Variants in MET observed in about 807,000 individuals in gnomAD.
The protein encoded by MET is hepatocyte growth factor receptor.
In MET, 48 loss-of-function variants were observed where a neutral mutation model predicts 133.1. The ratio of observed to expected loss-of-function variants is 0.36; its 90% confidence interval spans 0.29 to 0.46. The LOEUF is 0.46. MET is among the 20% of genes least tolerant of loss of function. The pLI is 1.00. For synonymous variants in MET, 628 were observed against 616.5 expected (o/e 1.02, Z -0.28); for missense variants, 1,442 against 1,695.9 (o/e 0.85, Z 2.63).
intron 2 of MET, among the ~76,000 whole-genome samples, chr7:116,719,834 G>A (rs1462571988): frequency 6.6e-6 from 1 of 151,966 alleles, no homozygotes; most frequent in Admixed American, 6.6e-5. Flanking sequence ...GCTCTGTTCT[G>A]TTCCATTGAT....
Position 116,700,227 on chromosome 7 carries a change from CAAT to C in MET, c.1144_1146del (p.Asn382del). The C allele has an allele frequency of 6.3e-7, 1 of 1,599,566 alleles. No individual in the cohort carries two copies. Among genetic ancestry groups the C allele is most frequent in the Non-Finnish European group, 8.5e-7 (1 of 1,175,944 alleles). Reference sequence around the variant, plus strand: ...TCTTCAACAAGATCGTCAACAAAAACAATGTGAGATGTCTCCAGCATTTTTACG... The same window carrying C: ...TCTTCAACAAGATCGTCAACAAAAACGTGAGATGTCTCCAGCATTTTTACG... On this transcript the variant is annotated inframe_deletion, in exon 2 of 21. Transcript: ENST00000397752.
At chr7:116,753,231 A>G (rs1793997377) in intron 5 of MET, among the ~76,000 whole-genome samples, 1 of 152,242 alleles carries the variant, frequency 6.6e-6, no homozygotes. Context: ...TAATTGTAAA[A>G]GAATCACTTT....
intron 19 of MET, among the ~76,000 whole-genome samples, chr7:116,793,764 T>C (rs967728187): frequency 4.6e-5 from 7 of 151,856 alleles, no homozygotes; most frequent in African/African-American, 1.7e-4. Context: ...CCTGGCATGG[T>C]GGCAGGCGCC....
At chr7:116,767,861 A>T (rs528987834) in intron 11 of MET, among the ~76,000 whole-genome samples, 1 of 150,920 alleles carries the variant, frequency 6.6e-6, no homozygotes, top group South Asian at 2.1e-4. Context: ...AAATTAGCCT[A>T]TACCTTTTAA....
chr7:116,796,697 G>A lies in MET; in HGVS notation c.*573G>A. On this transcript the variant is annotated 3_prime_UTR_variant, in exon 21 of 21. Coordinates refer to ENST00000397752, the MANE Select transcript of MET (RefSeq NM_000245.4). ...GTTGCCAGGGCTGTAGTGCAGTGGT[G>A]TGATCATAGCTCACTGCAACCTCCA... is the stretch of plus-strand genomic sequence containing the variant. 1 of 225,464 alleles carries A rather than the reference G, an allele frequency of 4.4e-6. No individual in the cohort carries two copies. Among genetic ancestry groups the A allele is most frequent in the Non-Finnish European group, 9.0e-6 (1 of 111,440 alleles). The allele number at this position is 225,464 out of a possible 1,614,324, so 14.0% of individuals were successfully genotyped here.
In MET at chr7:116,699,884, A is replaced by G. The variant is rs751564290; in HGVS notation, c.800A>G (p.Glu267Gly). The G allele has an allele frequency of 1.7e-5, 28 of 1,613,990 alleles. No individual in the cohort carries two copies. The highest frequency in any genetic ancestry group is 5.3e-5 in the African/African-American group (4 of 74,910). Residue 267 changes from glutamate (E) to glycine (G), a missense_variant, in exon 2 of 21, where the codon GAA (glutamate) becomes GGA (glycine). By Grantham distance (98) the Glu-to-Gly change is moderately conservative. This residue lies in a region of MET where 762 missense variants were observed against 792.4 expected (regional missense o/e 0.96). Transcript: ENST00000397752. Reference sequence around the variant, plus strand: ...ATTTACTTCTTGACGGTCCAAAGGGAAACTCTAGATGCTCAGACTTTTCAC... The same window carrying G: ...ATTTACTTCTTGACGGTCCAAAGGGGAACTCTAGATGCTCAGACTTTTCAC... Reference protein sequence around the residue: ...NFIYFLTVQRETLDAQTFHTR... With the variant: ...NFIYFLTVQRGTLDAQTFHTR...
intron 11 of MET, among the ~76,000 whole-genome samples, chr7:116,767,233 C>G (rs529441817): frequency 2.6e-5 from 4 of 152,168 alleles, no homozygotes; most frequent in African/African-American, 7.2e-5. Context: ...GGTTCTGTAA[C>G]CATCTCAGAC....
rs1554379180 is a variant in MET, at chr7:116,700,241, T to G, written c.1157T>G (p.Leu386Arg). Residue 386 changes from leucine to arginine, a missense_variant, in exon 2 of 21, where the codon CTC becomes CGC. Physicochemically the swap from Leu to Arg is moderately radical, Grantham distance 102. Coordinates refer to ENST00000397752, the MANE Select transcript of MET (RefSeq NM_000245.4). ...KIVNKNNVRCLQHFYGPNHEH... is the reference protein window; with the variant it reads ...KIVNKNNVRCRQHFYGPNHEH... ...GTCAACAAAAACAATGTGAGATGTC[T>G]CCAGCATTTTTACGGACCCAATCAT... 6.2e-7 allele frequency: 1 copy of G among 1,602,354 alleles called. No individual in the cohort carries two copies. The highest frequency in any genetic ancestry group is 8.5e-7 in the Non-Finnish European group (1 of 1,177,212).
intron 5 of MET, among the ~76,000 whole-genome samples, chr7:116,742,952 C>T (rs182225931): frequency 2.0e-5 from 3 of 152,270 alleles, no homozygotes; most frequent in Non-Finnish European, 4.4e-5. Flanking sequence ...TTAAGATGGC[C>T]GAGTAGGAAC....
chr7:116,775,330 T>C (rs1038158300), intron 15 of MET, among the ~76,000 whole-genome samples: 2 of 152,206 alleles, frequency 1.3e-5, no homozygotes, highest in African/African-American at 4.8e-5. Context: ...CCCCCAAATA[T>C]ATTAGAACTA....
intron 2 of MET, among the ~76,000 whole-genome samples, chr7:116,722,725 T>C (rs1257643147): frequency 2.7e-5 from 4 of 150,638 alleles, no homozygotes; most frequent in African/African-American, 9.7e-5. Context: ...GTATTTTATT[T>C]CTCCTTCACT....
At chr7:116,715,166 GTATTA>G (rs1226861890) in intron 2 of MET, among the ~76,000 whole-genome samples, 1 of 152,162 alleles carries the variant, frequency 6.6e-6, no homozygotes, top group Admixed American at 6.5e-5. Context: ...ACATGGTATG[GTATTA>G]TATTCATTTT....
At chr7:116,713,924 G>A (rs759196676) in intron 2 of MET, among the ~76,000 whole-genome samples, 13 of 152,146 alleles carry the variant, frequency 8.5e-5, no homozygotes, top group Non-Finnish European at 1.6e-4. Flanking sequence ...AACTACTTCT[G>A]TTTTATTTGT....
intron 5 of MET, among the ~76,000 whole-genome samples, chr7:116,750,302 T>G (rs927036342): frequency 6.6e-6 from 1 of 152,132 alleles, no homozygotes; most frequent in African/African-American, 2.4e-5. Context: ...TCTGATCTTT[T>G]ACAAACCTGA....
At chr7:116,784,578 C>T (rs1015544062) in intron 19 of MET, among the ~76,000 whole-genome samples, 1 of 152,106 alleles carries the variant, frequency 6.6e-6, no homozygotes, top group Non-Finnish European at 1.5e-5. Flanking sequence ...TTTTAAACAA[C>T]CAGATCTCCT....
intron 2 of MET, among the ~76,000 whole-genome samples, chr7:116,716,932 A>G (rs973300742): frequency 1.3e-5 from 2 of 152,230 alleles, no homozygotes; most frequent in Non-Finnish European, 2.9e-5. Flanking sequence ...TAGGGCAGAA[A>G]GAAATTGAAG....
chr7:116,791,651 T>C (rs1335762575), intron 19 of MET, among the ~76,000 whole-genome samples: 2 of 152,156 alleles, frequency 1.3e-5, no homozygotes, highest in Non-Finnish European at 2.9e-5. Flanking sequence ...TCTTATGCGA[T>C]ACACTTTTGC....
intron 17 of MET, among the ~76,000 whole-genome samples, chr7:116,779,786 T>C (rs1451919915): frequency 6.6e-6 from 1 of 152,190 alleles, no homozygotes; most frequent in Non-Finnish European, 1.5e-5. Context: ...GCTGAAATAT[T>C]TTGGATTTTG....
At chr7:116,692,143 A>G (rs7798983) in intron 1 of MET, among the ~76,000 whole-genome samples, 47,677 of 152,060 alleles carry the variant, frequency 0.31, 7,563 homozygotes, top group East Asian at 0.4. Context: ...TGAATTGCTC[A>G]TTTAGTAGAT....
Sources: allele counts gnomAD v4.1 joint callset (sites outside exome capture counted in the v4.1 genomes callset), GRCh38; gene constraint gnomAD v4.1.1; regional missense constraint gnomAD v4.1.1; transcripts MANE v1.5; gene names NCBI Gene and HGNC (gene_info 2026-07-23, HGNC 2026-07-21).